Variants in NEB observed in about 807,000 individuals in gnomAD.
NEB encodes nemaline myopathy type 2.
A neutral mutation model predicts 952.2 loss-of-function variants in NEB; 512 were observed. That is an observed-to-expected ratio of 0.54 (90% confidence interval 0.50 to 0.58). The LOEUF is 0.58. NEB is among the 20% of genes least tolerant of loss of function. The pLI is 0.00. For synonymous variants in NEB, 2,900 were observed against 3,149.8 expected (o/e 0.92, Z 2.66); for missense variants, 8,428 against 9,231.1 (o/e 0.91, Z 3.56).
chr2:151,664,909 T>C (rs1393058852), intron 42 of NEB, 46 bp from the exon 43 acceptor site: 3 of 1,382,670 alleles, frequency 2.2e-6, no homozygotes, highest in South Asian at 2.5e-5. Flanking sequence ...AGGACAAGTT[T>C]GACCCAATGC....
rs554797755 is a variant in NEB at position 151,562,017 on chromosome 2, C to T, written c.18996+93G>A. On this transcript the variant is annotated intron_variant, in intron 121 of 181. Coordinates refer to ENST00000397345, the MANE Select transcript of NEB (RefSeq NM_001164508.2). The stretch of plus-strand genomic sequence containing the variant: ...TGGTCAGTTAGAGCCTACACTGTTA[C>T]AGCAACTTTCTTTGCCTGCCCATCA... 369 of 966,004 alleles carry T rather than the reference C, an allele frequency of 3.8e-4. 1 individual carries two copies. In the East Asian group the frequency reaches 6.9e-3, roughly 18 times the overall value. 59.8% of individuals were successfully genotyped at this position (966,004 alleles called of 1,614,324 possible).
At chr2:151,677,309 T>A (rs777259646) in intron 34 of NEB, among the ~76,000 whole-genome samples, 2 of 152,168 alleles carry the variant, frequency 1.3e-5, no homozygotes, top group African/African-American at 4.8e-5. Flanking sequence ...TTTTTCACCA[T>A]GTCAAGTTTA....
rs755926453 is a variant in NEB at position 151,575,761 on chromosome 2, T to C, written c.16947A>G (p.Ser5649=). The change falls in exon 107 of 182, where the codon TCA becomes TCG. Residue 5649 remains serine, a synonymous_variant. Transcript: ENST00000397345. ...YREVWDKDKT[S]IHIMPDTPEI... Reference sequence around the variant, plus strand: ...CTGGAGTATCTGGCATTATGTGTATTGAAGTTTTATCCTTGTCCCAAACCT... The same window carrying C: ...CTGGAGTATCTGGCATTATGTGTATCGAAGTTTTATCCTTGTCCCAAACCT... The C allele has an allele frequency of 6.2e-7, 1 of 1,610,814 alleles. No individual in the cohort carries two copies. The highest frequency in any genetic ancestry group is 8.5e-7 in the Non-Finnish European group (1 of 1,176,912).
intron 179 of NEB, chr2:151,491,233 C>G (rs761563614): frequency 1.3e-5 from 2 of 157,786 alleles, no homozygotes; most frequent in East Asian, 3.7e-4. Context: ...GGGTCTCATT[C>G]TCTTTTCCAG....
chr2:151,526,673 GC>G (rs975223152), intron 148 of NEB, among the ~76,000 whole-genome samples: 1 of 152,172 alleles, frequency 6.6e-6, no homozygotes, highest in African/African-American at 2.4e-5. Flanking sequence ...CCTAATTCCT[GC>G]TGTGTGAACT....
At chr2:151,697,090 C>G (rs561010990) in intron 16 of NEB, 58 bp downstream of exon 16, 8 of 1,302,406 alleles carry the variant, frequency 6.1e-6, no homozygotes, top group Non-Finnish European at 8.7e-6. Context: ...TTAAACATAT[C>G]CTGACCACTA....
At position 151,519,656 on chromosome 2, in the gene NEB, A is replaced by G. The variant is rs200449517; in HGVS notation, c.22590+2T>C. The G allele has an allele frequency of 3.1e-4, 488 of 1,595,418 alleles. No individual in the cohort carries two copies. Among genetic ancestry groups the G allele is most frequent in the Non-Finnish European group, 4.0e-4 (469 of 1,163,744 alleles). On this transcript the variant is annotated splice_donor_variant, in intron 154 of 181. Transcript: ENST00000397345. LOFTEE classifies it high-confidence loss of function. ...TATTTTACCACAATTTTAGAAACAT[A>G]CCTCACTTGCAAGATTATTAGCATC...
At chr2:151,709,881 C>T (rs1294270502) in intron 11 of NEB, 118 bp from the exon 12 acceptor site, 1 of 713,764 alleles carries the variant, frequency 1.4e-6, no homozygotes, top group African/African-American at 1.8e-5. Flanking sequence ...TTGGTTTAGG[C>T]TGGTCAGATT....
At position 151,697,379 on chromosome 2, in the gene NEB, A is replaced by G; in HGVS notation, c.1336T>C (p.Cys446Arg). ...CTGTTTTGAGCTGTGACTTTCATGC[A>G]GTGTGAATGGTATGGATCCTCGAAG... ...GSFEDPYHSH[C>R]MKVTAQNSDK... Residue 446 changes from cysteine to arginine, a missense_variant, in exon 15 of 182, where the codon TGC becomes CGC. Coordinates refer to ENST00000397345, the MANE Select transcript of NEB (RefSeq NM_001164508.2). The G allele has an allele frequency of 2.5e-6, 4 of 1,613,966 alleles. No homozygotes were observed. The highest frequency in any genetic ancestry group is 3.4e-6 in the Non-Finnish European group (4 of 1,179,840).
rs2093468640 is a variant in NEB at position 151,538,062 on chromosome 2, G to C, written c.20997+78C>G. ...TCTTTCTGGAGAATTTCAGAAGAGGGAGGTTGCTAAAAAATATATGTATAT... is the reference window on the plus strand; with the variant it reads ...TCTTTCTGGAGAATTTCAGAAGAGGCAGGTTGCTAAAAAATATATGTATAT... On this transcript the variant is annotated intron_variant, in intron 139 of 181. Coordinates refer to ENST00000397345, the MANE Select transcript of NEB (RefSeq NM_001164508.2). The C allele has an allele frequency of 7.3e-6, 11 of 1,505,092 alleles. No homozygotes were observed. In the South Asian group the frequency reaches 1.1e-4, roughly 16 times the overall value. The allele number at this position is 1,505,092 out of a possible 1,614,324, so 93.2% of individuals were successfully genotyped here. A position where few individuals can be genotyped will look rare whatever the true frequency, so the allele number is the denominator to read the frequency against.
At chr2:151,683,590 T>A (rs1576238056) in intron 28 of NEB, among the ~76,000 whole-genome samples, 1 of 152,098 alleles carries the variant, frequency 6.6e-6, no homozygotes, top group East Asian at 1.9e-4. Context: ...AGAATAACAA[T>A]GTATAATATA....
At position 151,629,535 on chromosome 2, in the gene NEB, T is replaced by C. The variant is rs727504035; in HGVS notation, c.9831+4A>G. On this transcript the variant is annotated splice_donor_region_variant and intron_variant, in intron 68 of 181. Coordinates refer to ENST00000397345, the MANE Select transcript of NEB (RefSeq NM_001164508.2). ...ATGTAAATATCTAGGGTGTTGCTACTCACATCACTGATAACGTCCCTGGAG... is the reference window on the plus strand; with the variant it reads ...ATGTAAATATCTAGGGTGTTGCTACCCACATCACTGATAACGTCCCTGGAG... 1 of 1,606,328 alleles carries C rather than the reference T, an allele frequency of 6.2e-7. No individual in the cohort carries two copies. Among genetic ancestry groups the C allele is most frequent in the Non-Finnish European group, 8.5e-7 (1 of 1,173,068 alleles).
rs1192532987 is a variant in NEB, at chr2:151,663,870, A to G, written c.5452-11T>C. 6.2e-7 allele frequency: 1 copy of G among 1,605,040 alleles called. No individual in the cohort carries two copies. Among genetic ancestry groups the G allele is most frequent in the African/African-American group, 1.3e-5 (1 of 74,574 alleles). ...TTTCTTGTATTTGTACTGTGGACAGAGAAGAAATTATGGTGATGAAAATGG... is the reference window on the plus strand; with the variant it reads ...TTTCTTGTATTTGTACTGTGGACAGGGAAGAAATTATGGTGATGAAAATGG... On this transcript the variant is annotated splice_polypyrimidine_tract_variant and intron_variant, in intron 44 of 181. Transcript: ENST00000397345.
chr2:151,620,968 T>G lies in NEB; in HGVS notation c.10511A>C (p.Asp3504Ala), dbSNP rs773932571. 2 of 1,612,986 alleles carry G rather than the reference T, an allele frequency of 1.2e-6. No individual in the cohort carries two copies. The highest frequency in any genetic ancestry group is 2.2e-5 in the South Asian group (2 of 90,804). The change falls in exon 72 of 182, where the codon GAT (aspartate) becomes GCT (alanine). Residue 3504 changes from aspartate (D) to alanine (A), a missense_variant. By Grantham distance (126) the Asp-to-Ala change is moderately radical. Around this residue, in one of 11 missense-constraint regions of NEB, gnomAD observed 1,772 missense variants for 1,960.3 expected, o/e 0.90. Coordinates refer to ENST00000397345, the MANE Select transcript of NEB (RefSeq NM_001164508.2). The part of the protein sequence containing the change: ...AKKEGYDLRS[D>A]AIPIVAAKAS... ...CTTGGCAGCCACAATGGGAATGGCA[T>G]CACTTCTCAAGTCATAGCCTTCTTT...
intron 29 of NEB, 102 bp from the exon 30 acceptor site, chr2:151,680,930 T>G (rs765391216): frequency 7.4e-5 from 72 of 972,702 alleles, no homozygotes; most frequent in Non-Finnish European, 1.1e-4. Context: ...GAAGAGTTTT[T>G]CATGATTTTA....
intron 41 of NEB, 56 bp from the exon 42 acceptor site, chr2:151,665,595 T>C: frequency 7.1e-7 from 1 of 1,405,226 alleles, no homozygotes; most frequent in Non-Finnish European, 9.5e-7. Flanking sequence ...TGTGTTTCTT[T>C]GGCTATGTGA....
At chr2:151,502,197 A>G (rs1296250079) in intron 167 of NEB, among the ~76,000 whole-genome samples, 2 of 151,926 alleles carry the variant, frequency 1.3e-5, no homozygotes, top group Non-Finnish European at 2.9e-5. Flanking sequence ...AGAATGATAC[A>G]GTGAACTTTG....
At chr2:151,486,189 G>T in intron 181 of NEB, 1 of 410,806 alleles carries the variant, frequency 2.4e-6, no homozygotes, top group Non-Finnish European at 4.4e-6. Flanking sequence ...AAGAGGCAAA[G>T]GATATGAATA....
At chr2:151,686,417 A>G (rs2099498905) in intron 27 of NEB, among the ~76,000 whole-genome samples, 1 of 152,228 alleles carries the variant, frequency 6.6e-6, no homozygotes, top group Non-Finnish European at 1.5e-5. Context: ...AGGAATAAAA[A>G]CAAAAGATAA....
Sources: gnomAD v4.1 joint callset for allele counts (sites outside exome capture counted in the v4.1 genomes callset) on GRCh38, gnomAD v4.1.1 for gene constraint, gnomAD v4.1.1 regional missense constraint, MANE v1.5 for transcripts, NCBI Gene and HGNC (gene_info 2026-07-23, HGNC 2026-07-21) for gene names.